Variants in CCDC191 observed in about 807,000 individuals in gnomAD.
CCDC191 encodes the protein coiled-coil domain-containing protein 191.
A neutral mutation model predicts 114.0 loss-of-function variants in CCDC191; 99 were observed. The ratio of observed to expected loss-of-function variants is 0.87; its 90% CI spans 0.74 to 1.03. The LOEUF (loss-of-function observed/expected upper bound fraction) is 1.03, where lower values mean the gene tolerates loss of function less well. CCDC191 is among the 50% of genes least tolerant of loss of function. CCDC191 has a pLI of 0.00. For synonymous variants in CCDC191, 351 were observed against 376.0 expected, an observed-to-expected ratio of 0.93 and a Z score of 0.77; for missense variants, 973 against 1,087.0, an observed-to-expected ratio of 0.90 and a Z score of 1.47.
chr3:113,992,534 C>A (rs1357024161), intron 13 of CCDC191, among the ~76,000 whole-genome samples: 2 of 151,982 alleles, frequency 1.3e-5, no homozygotes, highest in African/African-American at 4.8e-5. Context: ...AAACCCAGGA[C>A]TTCATTGGTG....
At chr3:114,052,960 C>T (rs1577486712) in intron 2 of CCDC191, among the ~76,000 whole-genome samples, 1 of 152,148 alleles carries the variant, frequency 6.6e-6, no homozygotes, top group African/African-American at 2.4e-5. Context: ...AAGCACACAC[C>T]TGAAATGATT....
At chr3:114,006,519 A>G (rs1340905487) in intron 9 of CCDC191, among the ~76,000 whole-genome samples, 1 of 149,486 alleles carries the variant, frequency 6.7e-6, no homozygotes, top group African/African-American at 2.5e-5. Flanking sequence ...CATTCGTAAT[A>G]GCAAAAATCT....
At chr3:113,991,939 C>T (rs2075581256) in intron 13 of CCDC191, among the ~76,000 whole-genome samples, 1 of 151,846 alleles carries the variant, frequency 6.6e-6, no homozygotes, top group Non-Finnish European at 1.5e-5. Flanking sequence ...TAGTTAGGTA[C>T]AAATCTAACA....
chr3:114,050,501 T>C (rs1209544943), intron 2 of CCDC191, among the ~76,000 whole-genome samples: 1 of 151,648 alleles, frequency 6.6e-6, no homozygotes, highest in Non-Finnish European at 1.5e-5. Flanking sequence ...GATTAGGAGG[T>C]GGAGGTAGGT....
chr3:114,035,110 C>A lies in CCDC191; in HGVS notation c.633G>T (p.Glu211Asp), dbSNP rs2076464555. Residue 211 changes from glutamate (E) to aspartate (D), a missense_variant, in exon 6 of 17, where the codon GAG (glutamate) becomes GAT (aspartate). Coordinates refer to ENST00000295878, the MANE Select transcript of CCDC191 (RefSeq NM_020817.2). The stretch of plus-strand genomic sequence containing the variant: ...TCAGGGTCTTTTCTATTCTCTGGTA[C>A]TCCAGTTCTTTCTCACGTCTTAAGC... Reference protein sequence around the residue: ...ENRLRREKELEYQRIEKTLKK... With the variant: ...ENRLRREKELDYQRIEKTLKK... The A allele has an allele frequency of 6.2e-7, 1 of 1,614,010 alleles. No individual in the cohort carries two copies. The highest frequency in any genetic ancestry group is 8.5e-7 in the Non-Finnish European group (1 of 1,179,964).
chr3:114,034,262 T>A (rs973864962), intron 6 of CCDC191, among the ~76,000 whole-genome samples: 4 of 152,164 alleles, frequency 2.6e-5, no homozygotes, highest in African/African-American at 7.2e-5. Context: ...AAAAATATTA[T>A]CTAACCAAAG....
chr3:114,018,356 T>C (rs2076194237), intron 8 of CCDC191, among the ~76,000 whole-genome samples: 1 of 151,952 alleles, frequency 6.6e-6, no homozygotes, highest in Non-Finnish European at 1.5e-5. Context: ...TTTTATTTTA[T>C]TGGAGACAGG....
Position 114,002,445 on chromosome 3 carries a change from G to C in CCDC191, c.2061+11C>G. 1 of 1,582,324 alleles carries C rather than the reference G, an allele frequency of 6.3e-7. No homozygotes were observed. The highest frequency in any genetic ancestry group is 1.2e-5 in the South Asian group (1 of 86,946). ...TCTTTTTTGACTCAGTTTGCATTTT[G>C]AATCTATTACCAATTTTTCTTCTTC... On this transcript the variant is annotated intron_variant, in intron 12 of 16. Coordinates refer to ENST00000295878, the MANE Select transcript of CCDC191 (RefSeq NM_020817.2).
In CCDC191 at chr3:113,991,673, T is replaced by C. The variant is rs1371689237; in HGVS notation, c.2163+9922A>G. On this transcript the variant is annotated intron_variant, in intron 13 of 16. Transcript: ENST00000295878. Reference sequence around the variant, plus strand: ...ATACTGGAAGTCCTAACTAATGTGATAAGGCAAGATAAATAAGTAAAAGGC... The same window carrying C: ...ATACTGGAAGTCCTAACTAATGTGACAAGGCAAGATAAATAAGTAAAAGGC... 2.6e-5 allele frequency among the ~76,000 whole-genome samples: 4 copies of C among 152,264 alleles called. No homozygotes were observed. In the East Asian group the frequency reaches 5.8e-4, roughly 22 times the overall value.
rs2107776132 is a variant in CCDC191, at chr3:114,056,447, C to G, written c.20G>C (p.Gly7Ala). ...CATCCTTTTCTTTGAGAAGGACCTTCCCTGAGGCGCCAGGAGCATTTTCCA... is the reference window on the plus strand; with the variant it reads ...CATCCTTTTCTTTGAGAAGGACCTTGCCTGAGGCGCCAGGAGCATTTTCCA... MLLAPQ[G>A]RSFSKKRMGL... The change falls in exon 1 of 17, where the codon GGA becomes GCA. Residue 7 changes from glycine (G) to alanine (A), a missense_variant. Coordinates refer to ENST00000295878, the MANE Select transcript of CCDC191 (RefSeq NM_020817.2). 6.2e-7 allele frequency: 1 copy of G among 1,614,176 alleles called. No homozygotes were observed. The highest frequency in any genetic ancestry group is 2.2e-5 in the East Asian group (1 of 44,878).
At chr3:113,972,780 C>T (rs923894154) in intron 16 of CCDC191, among the ~76,000 whole-genome samples, 1 of 152,072 alleles carries the variant, frequency 6.6e-6, no homozygotes. Context: ...TATCCTCTTG[C>T]TGAATTGACC....
chr3:113,988,887 G>A (rs559957070), intron 13 of CCDC191, among the ~76,000 whole-genome samples: 16 of 151,888 alleles, frequency 1.1e-4, no homozygotes, highest in South Asian at 2.1e-4. Flanking sequence ...TCCGCCTCCC[G>A]GGTTCATGCC....
intron 7 of CCDC191, among the ~76,000 whole-genome samples, chr3:114,024,870 T>C (rs1415597602): frequency 1.3e-5 from 2 of 152,124 alleles, no homozygotes; most frequent in East Asian, 3.9e-4. Context: ...TGAGGATCTT[T>C]GTCATGGCAA....
At chr3:114,012,320 T>C (rs537979653) in intron 8 of CCDC191, among the ~76,000 whole-genome samples, 1 of 152,302 alleles carries the variant, frequency 6.6e-6, no homozygotes, top group Admixed American at 6.5e-5. Flanking sequence ...ATATTTCTTT[T>C]AAAAATAAGC....
chr3:114,037,741 C>T (rs923605347), intron 4 of CCDC191, among the ~76,000 whole-genome samples: 3 of 152,130 alleles, frequency 2.0e-5, no homozygotes, highest in Non-Finnish European at 4.4e-5. Context: ...AAACTATATC[C>T]ATCCTTATAC....
chr3:113,988,570 G>A (rs1478508830), intron 13 of CCDC191, among the ~76,000 whole-genome samples: 2 of 141,914 alleles, frequency 1.4e-5, no homozygotes, highest in Admixed American at 7.4e-5. Context: ...AGGTTGTGGT[G>A]AGCAGAGATC....
chr3:113,996,327 G>T (rs1388157568), intron 13 of CCDC191, among the ~76,000 whole-genome samples: 2 of 152,006 alleles, frequency 1.3e-5, no homozygotes, highest in African/African-American at 4.8e-5. Flanking sequence ...TTTCTGCATA[G>T]GCTAGCCAGT....
At chr3:114,050,608 G>A (rs2076687046) in intron 2 of CCDC191, among the ~76,000 whole-genome samples, 1 of 152,146 alleles carries the variant, frequency 6.6e-6, no homozygotes, top group Non-Finnish European at 1.5e-5. Context: ...CCAGGCTGAG[G>A]GATCAACGTG....
At chr3:114,026,440 A>C (rs938581330) in intron 7 of CCDC191, among the ~76,000 whole-genome samples, 5 of 152,250 alleles carry the variant, frequency 3.3e-5, no homozygotes, top group Non-Finnish European at 7.3e-5. Flanking sequence ...TATGAATCCC[A>C]GTAATCTTCC....
Sources: allele counts gnomAD v4.1 joint callset (sites outside exome capture counted in the v4.1 genomes callset), GRCh38; gene constraint gnomAD v4.1.1; transcripts MANE v1.5; gene names NCBI Gene and HGNC (gene_info 2026-07-23, HGNC 2026-07-21).